DLGAP2: variants seen among roughly 807,000 people sequenced by gnomAD.
The protein encoded by DLGAP2 is DLG associated protein 2.
A neutral mutation model predicts 100.3 loss-of-function variants in DLGAP2; 26 were observed. The ratio of observed to expected loss-of-function variants is 0.26; its 90% CI spans 0.19 to 0.36. The LOEUF (loss-of-function observed/expected upper bound fraction) is 0.36. DLGAP2 is among the 10% of genes least tolerant of loss of function. The pLI is 1.00. For missense variants in DLGAP2, 1,858 were observed against 1,453.2 expected, an observed-to-expected ratio of 1.28 and a Z score of -4.53; for synonymous variants, 886 against 630.1, an observed-to-expected ratio of 1.41 and a Z score of -6.08.
At chr8:1,598,224 G>A (rs573023465) in intron 6 of DLGAP2, among the ~76,000 whole-genome samples, 7 of 152,252 alleles carry the variant, frequency 4.6e-5, no homozygotes, top group African/African-American at 7.2e-5. Flanking sequence ...CGACTTGATC[G>A]TGGTGGATAA....
In DLGAP2 at chr8:1,058,052, G is replaced by C. The variant is rs1199961693; in HGVS notation, c.73+150086G>C. On this transcript the variant is annotated intron_variant, in intron 2 of 14. Transcript: ENST00000637795. Reference sequence around the variant, plus strand: ...TGCTTCTGGTGAACTTAACAGTTTTGAGAAGAAAAGATATTACCCTGCTCT... The same window carrying C: ...TGCTTCTGGTGAACTTAACAGTTTTCAGAAGAAAAGATATTACCCTGCTCT... Among the ~76,000 whole-genome samples the C allele has an allele frequency of 3.3e-5, 5 of 152,294 alleles. No individual in the cohort carries two copies. In the East Asian group the frequency reaches 9.6e-4, roughly 29 times the overall value.
At chr8:1,024,865 C>G (rs984390514) in intron 2 of DLGAP2, among the ~76,000 whole-genome samples, 1 of 152,344 alleles carries the variant, frequency 6.6e-6, no homozygotes, top group African/African-American at 2.4e-5. Flanking sequence ...CATTTCCCAA[C>G]TGCAGCCCTT....
chr8:1,301,018 TG>T (rs1199783196), intron 3 of DLGAP2: 1 of 152,434 alleles, frequency 6.6e-6, no homozygotes, highest in Non-Finnish European at 1.5e-5. Flanking sequence ...CGTCCCTGTC[TG>T]GCCCCACGTG....
chr8:1,684,161 A>G (rs1169921458), intron 12 of DLGAP2, among the ~76,000 whole-genome samples: 2 of 144,782 alleles, frequency 1.4e-5, no homozygotes, highest in East Asian at 4.6e-4. Flanking sequence ...TTTAATCAGA[A>G]AATGTAACTG....
intron 2 of DLGAP2, among the ~76,000 whole-genome samples, chr8:1,042,883 GT>G: frequency 1.5e-5 from 2 of 135,392 alleles, no homozygotes; most frequent in Non-Finnish European, 3.2e-5. Flanking sequence ...GGTGGTGGGT[GT>G]GGGTGATGGA....
intron 3 of DLGAP2, among the ~76,000 whole-genome samples, chr8:1,352,628 A>AT (rs1221129206): frequency 1.3e-5 from 2 of 152,192 alleles, no homozygotes; most frequent in African/African-American, 4.8e-5. Context: ...ATTTCTCTGA[A>AT]TAAGCTTTGA....
intron 2 of DLGAP2, among the ~76,000 whole-genome samples, chr8:1,231,632 G>A (rs771951835): frequency 1.6e-4 from 24 of 152,206 alleles, no homozygotes; most frequent in Non-Finnish European, 2.5e-4. Flanking sequence ...TGTGTACACC[G>A]TGGGATACTG....
intron 6 of DLGAP2, among the ~76,000 whole-genome samples, chr8:1,598,227 G>A (rs7833324): frequency 0.051 from 7,720 of 152,256 alleles, 642 homozygotes; most frequent in African/African-American, 0.17. Flanking sequence ...CTTGATCGTG[G>A]TGGATAAACT....
intron 6 of DLGAP2, among the ~76,000 whole-genome samples, chr8:1,618,996 G>A (rs1174652461): frequency 6.6e-6 from 1 of 152,180 alleles, no homozygotes; most frequent in Non-Finnish European, 1.5e-5. Context: ...ATAGATCCGT[G>A]TGACAGAATA....
At chr8:1,610,441 G>T (rs1177585822) in intron 6 of DLGAP2, among the ~76,000 whole-genome samples, 1 of 149,664 alleles carries the variant, frequency 6.7e-6, no homozygotes, top group East Asian at 1.9e-4. Flanking sequence ...AAGCAGGAAA[G>T]ATCCAAAATT....
chr8:903,157 G>T (rs1470699594), intron 1 of DLGAP2, among the ~76,000 whole-genome samples: 1 of 152,004 alleles, frequency 6.6e-6, no homozygotes, highest in Non-Finnish European at 1.5e-5. Flanking sequence ...CTTTAATCTC[G>T]TTAATGTCAG....
At chr8:1,555,571 G>T (rs574727623) in intron 5 of DLGAP2, among the ~76,000 whole-genome samples, 1 of 152,326 alleles carries the variant, frequency 6.6e-6, no homozygotes, top group East Asian at 1.9e-4. Flanking sequence ...GCCCGTTCGT[G>T]TAATCAGGGA....
At chr8:1,648,260 AC>A (rs1238243963) in intron 8 of DLGAP2, among the ~76,000 whole-genome samples, 1 of 152,186 alleles carries the variant, frequency 6.6e-6, no homozygotes, top group African/African-American at 2.4e-5. Flanking sequence ...CTTGGCATCG[AC>A]TTGAGCCTTT....
chr8:1,489,649 A>G lies in DLGAP2; in HGVS notation c.107-11717A>G, dbSNP rs556551104. Among the ~76,000 whole-genome samples, 1,030 of 152,324 alleles carry G rather than the reference A, an allele frequency of 6.8e-3. 7 individuals carry two copies. The highest frequency in any genetic ancestry group is 0.011 in the Non-Finnish European group (750 of 68,032). ...AGCACAAAAAATTTAAAGAGAAAAT[A>G]AAACACGGCCATAATTCCGCTCATC... On this transcript the variant is annotated intron_variant, in intron 3 of 14. Coordinates refer to ENST00000637795, the MANE Select transcript of DLGAP2 (RefSeq NM_001346810.2).
chr8:1,589,232 G>T (rs1185491752), intron 6 of DLGAP2, among the ~76,000 whole-genome samples: 6 of 152,116 alleles, frequency 3.9e-5, no homozygotes, highest in South Asian at 2.1e-4. Flanking sequence ...TGTCTTCTAG[G>T]CCCCCTAGCA....
At chr8:835,066 C>T (rs967663807) in intron 1 of DLGAP2, among the ~76,000 whole-genome samples, 2 of 152,044 alleles carry the variant, frequency 1.3e-5, no homozygotes, top group African/African-American at 4.8e-5. Context: ...TGTTAGTGTG[C>T]ATGTACATTG....
chr8:993,659 C>G (rs1248059025), intron 2 of DLGAP2, among the ~76,000 whole-genome samples: 4 of 152,130 alleles, frequency 2.6e-5, no homozygotes, highest in African/African-American at 4.8e-5. Flanking sequence ...ATGGGCGATT[C>G]TGCCATTTAG....
intron 1 of DLGAP2, among the ~76,000 whole-genome samples, chr8:830,581 G>T (rs1250322011): frequency 6.6e-6 from 1 of 152,016 alleles, no homozygotes; most frequent in Admixed American, 6.6e-5. Context: ...CGTAATTTGC[G>T]ATTCTATTTA....
chr8:1,562,965 CGTT>C, intron 5 of DLGAP2, among the ~76,000 whole-genome samples: 1 of 74,694 alleles, frequency 1.3e-5, no homozygotes, highest in African/African-American at 6.2e-5. Context: ...GTCCGCGCCT[CGTT>C]ACTGGGGGAC....
Sources: allele counts gnomAD v4.1 joint callset (sites outside exome capture counted in the v4.1 genomes callset), GRCh38; gene constraint gnomAD v4.1.1; transcripts MANE v1.5; gene names NCBI Gene and HGNC (gene_info 2026-07-23, HGNC 2026-07-21).